The following CAMK4 variants were observed in gnomAD, a reference collection of about 807,000 sequenced individuals.
CAMK4 encodes calcium/calmodulin dependent protein kinase IV, also known as calcium/calmodulin-dependent protein kinase type IV.
In CAMK4, 22 loss-of-function variants were observed where a neutral mutation model predicts 44.9. The ratio of observed to expected loss-of-function variants is 0.49; its 90% confidence interval spans 0.35 to 0.70. The LOEUF is 0.70. Ranked by LOEUF, CAMK4 falls within the 30% of genes least tolerant of loss-of-function variation. The pLI is 0.01. For synonymous variants in CAMK4, 218 were observed against 215.4 expected (o/e 1.01, Z -0.11); for missense variants, 498 against 586.8 (o/e 0.85, Z 1.56).
At chr5:111,440,257 C>G (rs1753778883) in intron 5 of CAMK4, among the ~76,000 whole-genome samples, 1 of 152,090 alleles carries the variant, frequency 6.6e-6, no homozygotes, top group African/African-American at 2.4e-5. Flanking sequence ...GGGATGAGAT[C>G]CAAGCAGCAC....
At chr5:111,480,874 T>C (rs767059877) in intron 9 of CAMK4, among the ~76,000 whole-genome samples, 1 of 152,198 alleles carries the variant, frequency 6.6e-6, no homozygotes, top group Non-Finnish European at 1.5e-5. Flanking sequence ...TGATGTTCCT[T>C]CATTCAGCTA....
chr5:111,331,229 T>A (rs975269589), intron 1 of CAMK4, among the ~76,000 whole-genome samples: 4 of 150,212 alleles, frequency 2.7e-5, no homozygotes, highest in African/African-American at 4.9e-5. Flanking sequence ...TCTGGAATTT[T>A]AAAAAAACAT....
At chr5:111,408,136 GAGAA>G (rs1300478148) in intron 5 of CAMK4, among the ~76,000 whole-genome samples, 1 of 148,598 alleles carries the variant, frequency 6.7e-6, no homozygotes, top group East Asian at 2.0e-4. Context: ...GAGAGAGAGA[GAGAA>G]AGACTCTGTG....
At chr5:111,289,544 T>C (rs1751362481) in intron 1 of CAMK4, among the ~76,000 whole-genome samples, 1 of 152,214 alleles carries the variant, frequency 6.6e-6, no homozygotes, top group African/African-American at 2.4e-5. Flanking sequence ...ATAGTCTTAA[T>C]TGTTGCAAGT....
At chr5:111,357,089 A>AT (rs1561436221) in intron 2 of CAMK4, among the ~76,000 whole-genome samples, 1 of 152,092 alleles carries the variant, frequency 6.6e-6, no homozygotes, top group African/African-American at 2.4e-5. Flanking sequence ...TTTTATAAGC[A>AT]TTGGGCAATT....
chr5:111,466,105 A>T (rs1415915395), intron 7 of CAMK4, among the ~76,000 whole-genome samples: 1 of 152,214 alleles, frequency 6.6e-6, no homozygotes, highest in African/African-American at 2.4e-5. Context: ...AAATCACATG[A>T]TCATCTCAAT....
At chr5:111,480,267 C>CACACACACACAA (rs1755388782) in intron 9 of CAMK4, among the ~76,000 whole-genome samples, 2 of 150,508 alleles carry the variant, frequency 1.3e-5, no homozygotes, top group Non-Finnish European at 3.0e-5. Context: ...CACACACACA[C>CACACACACACAA]ACACACACAC....
At chr5:111,436,119 T>A (rs1194468692) in intron 5 of CAMK4, among the ~76,000 whole-genome samples, 1 of 152,210 alleles carries the variant, frequency 6.6e-6, no homozygotes, top group Non-Finnish European at 1.5e-5. Context: ...AAAACAAAGA[T>A]AAGTGTTTCA....
chr5:111,357,255 G>A (rs1750402401), intron 2 of CAMK4, among the ~76,000 whole-genome samples: 2 of 152,086 alleles, frequency 1.3e-5, no homozygotes, highest in Admixed American at 1.3e-4. Context: ...GAGCTCAGTG[G>A]TAAATGCCTT....
At chr5:111,310,229 T>C (rs1421746618) in intron 1 of CAMK4, among the ~76,000 whole-genome samples, 1 of 152,200 alleles carries the variant, frequency 6.6e-6, no homozygotes, top group Non-Finnish European at 1.5e-5. Flanking sequence ...TTTATCACTG[T>C]TTCTACCTCC....
At chr5:111,255,909 T>C (rs1233846470) in intron 1 of CAMK4, among the ~76,000 whole-genome samples, 2 of 152,226 alleles carry the variant, frequency 1.3e-5, no homozygotes, top group African/African-American at 4.8e-5. Context: ...TTATTGGAAA[T>C]TAACTGTTTT....
intron 2 of CAMK4, among the ~76,000 whole-genome samples, chr5:111,351,836 G>A (rs551222966): frequency 6.6e-6 from 1 of 152,184 alleles, no homozygotes; most frequent in East Asian, 1.9e-4. Context: ...TGAATAACAC[G>A]AACTTGGTGG....
intron 5 of CAMK4, among the ~76,000 whole-genome samples, chr5:111,405,337 G>A (rs900283795): frequency 6.6e-6 from 1 of 152,130 alleles, no homozygotes; most frequent in African/African-American, 2.4e-5. Flanking sequence ...GCATGGTGGT[G>A]TGCGCCTATA....
intron 5 of CAMK4, among the ~76,000 whole-genome samples, chr5:111,395,320 A>G (rs971282133): frequency 2.0e-5 from 3 of 151,984 alleles, no homozygotes; most frequent in South Asian, 2.1e-4. Flanking sequence ...GAAAGATGCA[A>G]TCCTCTATAT....
At chr5:111,464,972 CAAACCAAGGAGA>C (rs2112473095) in intron 7 of CAMK4, among the ~76,000 whole-genome samples, 1 of 152,240 alleles carries the variant, frequency 6.6e-6, no homozygotes, top group African/African-American at 2.4e-5. Context: ...TGAACACTCC[CAAACCAAGGAGA>C]CAGCCCCTAC....
intron 1 of CAMK4, among the ~76,000 whole-genome samples, chr5:111,276,979 C>T (rs1750787678): frequency 6.6e-6 from 1 of 152,080 alleles, no homozygotes; most frequent in African/African-American, 2.4e-5. Context: ...GTTCCTTTGC[C>T]ACAGATAGTA....
chr5:111,341,545 A>T (rs2910275), intron 1 of CAMK4, among the ~76,000 whole-genome samples: 131,119 of 150,200 alleles, frequency 0.87, 57,493 homozygotes, highest in East Asian at 1. Flanking sequence ...ATCCTTTTTT[A>T]AAAAAAAGTA....
At chr5:111,239,368 A>G (rs776113204) in intron 1 of CAMK4, among the ~76,000 whole-genome samples, 27 of 151,914 alleles carry the variant, frequency 1.8e-4, no homozygotes, top group Non-Finnish European at 3.4e-4. Context: ...TCTGGCTGTT[A>G]TTGTCAGTTT....
intron 1 of CAMK4, among the ~76,000 whole-genome samples, chr5:111,242,889 T>A (rs1749067367): frequency 6.6e-6 from 1 of 152,026 alleles, no homozygotes; most frequent in Non-Finnish European, 1.5e-5. Flanking sequence ...CTTTTCTGAT[T>A]CAGGATAGTG....
Sources: allele counts gnomAD v4.1 joint callset (sites outside exome capture counted in the v4.1 genomes callset), GRCh38; gene constraint gnomAD v4.1.1; transcripts MANE v1.5; gene names NCBI Gene and HGNC (gene_info 2026-07-23, HGNC 2026-07-21).